GABRB1: variants seen among roughly 807,000 people sequenced by gnomAD.
GABRB1 encodes the protein gamma-aminobutyric acid receptor subunit beta-1.
A neutral mutation model predicts 51.6 loss-of-function variants in GABRB1; 17 were observed. The ratio of observed to expected loss-of-function variants is 0.33; its 90% CI spans 0.23 to 0.49. The LOEUF (loss-of-function observed/expected upper bound fraction) is 0.49, where lower values mean the gene tolerates loss of function less well. Ranked by LOEUF, GABRB1 falls within the 20% of genes least tolerant of loss-of-function variation. GABRB1 has a pLI of 0.99. For synonymous variants in GABRB1, 247 were observed against 218.9 expected (o/e 1.13, Z -1.14); for missense variants, 410 against 600.6 (o/e 0.68, Z 3.32).
At chr4:47,388,458 G>T (rs1727874926) in intron 5 of GABRB1, among the ~76,000 whole-genome samples, 1 of 152,144 alleles carries the variant, frequency 6.6e-6, no homozygotes, top group Non-Finnish European at 1.5e-5. Context: ...GGTGTGTTAG[G>T]TCCTAGATCT....
chr4:47,174,430 A>G (rs914854327), intron 4 of GABRB1, among the ~76,000 whole-genome samples: 4 of 152,150 alleles, frequency 2.6e-5, no homozygotes, highest in African/African-American at 9.7e-5. Flanking sequence ...TACACTGCTC[A>G]TCTTCCAACT....
intron 4 of GABRB1, among the ~76,000 whole-genome samples, chr4:47,236,894 T>C (rs1290580171): frequency 1.3e-5 from 2 of 152,174 alleles, no homozygotes; most frequent in African/African-American, 2.4e-5. Flanking sequence ...AGTTGTTCTT[T>C]GTAAACACTG....
chr4:47,257,702 A>C (rs1027343355), intron 4 of GABRB1, among the ~76,000 whole-genome samples: 2 of 152,240 alleles, frequency 1.3e-5, no homozygotes, highest in East Asian at 1.9e-4. Flanking sequence ...CAGGAAAAAA[A>C]AAAAACTAGT....
intron 4 of GABRB1, among the ~76,000 whole-genome samples, chr4:47,219,157 A>G (rs552770962): frequency 2.6e-5 from 4 of 151,986 alleles, no homozygotes; most frequent in African/African-American, 9.6e-5. Context: ...TCAAATATGG[A>G]AATGTTAATA....
rs188251315 is a variant in GABRB1, at chr4:47,129,029, A to G, written c.241-32220A>G. Among the ~76,000 whole-genome samples, 717 of 152,244 alleles carry G rather than the reference A, an allele frequency of 4.7e-3. 10 individuals are homozygous for G. The highest frequency in any genetic ancestry group is 0.017 in the African/African-American group (690 of 41,554). The stretch of plus-strand genomic sequence containing the variant: ...TAGTATCAGCAATATATACATGTTT[A>G]TATCACATATACATACATGATTGTA... On this transcript the variant is annotated intron_variant, in intron 3 of 8. Coordinates refer to ENST00000295454, the MANE Select transcript of GABRB1 (RefSeq NM_000812.4).
intron 4 of GABRB1, among the ~76,000 whole-genome samples, chr4:47,267,072 C>A (rs1384256110): frequency 2.6e-5 from 4 of 151,922 alleles, no homozygotes. Context: ...TTTTAAATGC[C>A]TTACTATTAA....
intron 5 of GABRB1, among the ~76,000 whole-genome samples, chr4:47,359,702 A>T (rs2110008250): frequency 6.6e-6 from 1 of 152,250 alleles, no homozygotes. Context: ...TATTTTCTGT[A>T]AGCCTAGCTC....
At chr4:47,026,657 C>T (rs577919660), upstream of GABRB1, among the ~76,000 whole-genome samples, 1 of 152,032 alleles carries the variant, frequency 6.6e-6, no homozygotes, top group African/African-American at 2.4e-5. Context: ...TGCAGAGTAT[C>T]CTTCATAAGA....
chr4:47,182,047 A>T (rs1319127114), intron 4 of GABRB1, among the ~76,000 whole-genome samples: 1 of 152,068 alleles, frequency 6.6e-6, no homozygotes, highest in Non-Finnish European at 1.5e-5. Flanking sequence ...ACACAGACAC[A>T]GATCTTGGAA....
intron 3 of GABRB1, among the ~76,000 whole-genome samples, chr4:47,088,948 G>T (rs2109582177): frequency 6.6e-6 from 1 of 152,242 alleles, no homozygotes; most frequent in Middle Eastern, 3.4e-3. Flanking sequence ...TGACTTCTTT[G>T]TCTTGTGTGC....
chr4:47,219,735 A>G (rs1209523269), intron 4 of GABRB1, among the ~76,000 whole-genome samples: 1 of 151,900 alleles, frequency 6.6e-6, no homozygotes. Flanking sequence ...CATATGTGGA[A>G]TTACCTTATT....
At chr4:47,400,724 C>G (rs2110048304) in intron 5 of GABRB1, among the ~76,000 whole-genome samples, 1 of 152,224 alleles carries the variant, frequency 6.6e-6, no homozygotes, top group South Asian at 2.1e-4. Flanking sequence ...ACCCTCCTCC[C>G]AGCCTCCCCA....
At chr4:47,145,036 T>C (rs894034000) in intron 3 of GABRB1, among the ~76,000 whole-genome samples, 2 of 151,780 alleles carry the variant, frequency 1.3e-5, no homozygotes, top group African/African-American at 4.8e-5. Context: ...TTGGGACTTG[T>C]AGATAAGTAG....
At chr4:47,330,211 G>A (rs1029077397) in intron 5 of GABRB1, among the ~76,000 whole-genome samples, 6 of 152,290 alleles carry the variant, frequency 3.9e-5, no homozygotes, top group Middle Eastern at 3.4e-3. Flanking sequence ...GCTCACCCAC[G>A]TTGTGGGGGG....
chr4:47,026,846 G>A (rs1268461315), upstream of GABRB1, among the ~76,000 whole-genome samples: 1 of 151,822 alleles, frequency 6.6e-6, no homozygotes, highest in African/African-American at 2.4e-5. Flanking sequence ...TTTTATGCTG[G>A]CAACATTTTT....
chr4:47,175,614 T>G (rs955236017), intron 4 of GABRB1, among the ~76,000 whole-genome samples: 6 of 152,170 alleles, frequency 3.9e-5, no homozygotes, highest in African/African-American at 1.4e-4. Flanking sequence ...TGCACGAAAA[T>G]TATTAATTCT....
intron 5 of GABRB1, among the ~76,000 whole-genome samples, chr4:47,397,536 A>T (rs985437346): frequency 3.3e-5 from 5 of 151,422 alleles, no homozygotes; most frequent in African/African-American, 1.2e-4. Flanking sequence ...ATGTTTTACT[A>T]CCTGGTAGGG....
chr4:47,108,017 T>C (rs1715043337), intron 3 of GABRB1, among the ~76,000 whole-genome samples: 1 of 152,088 alleles, frequency 6.6e-6, no homozygotes, highest in African/African-American at 2.4e-5. Flanking sequence ...AGTAATTGTG[T>C]TCATAATAAA....
chr4:47,349,117 G>C (rs1362611149), intron 5 of GABRB1, among the ~76,000 whole-genome samples: 1 of 152,114 alleles, frequency 6.6e-6, no homozygotes, highest in Non-Finnish European at 1.5e-5. Context: ...TGGACATTTT[G>C]ATGTATGATA....
Sources: gnomAD v4.1 joint callset for allele counts (sites outside exome capture counted in the v4.1 genomes callset) on GRCh38, gnomAD v4.1.1 for gene constraint, MANE v1.5 for transcripts, NCBI Gene and HGNC (gene_info 2026-07-23, HGNC 2026-07-21) for gene names.